Variants in ZC3H12B observed in about 807,000 individuals in gnomAD.
ZC3H12B encodes probable ribonuclease ZC3H12B.
ZC3H12B carries 7 observed loss-of-function variants against 43.9 expected under a neutral mutation model. That is an observed-to-expected ratio of 0.16 (90% CI 0.09 to 0.30). The LOEUF is 0.30. Ranked by LOEUF, ZC3H12B falls within the 10% of genes least tolerant of loss-of-function variation. The pLI is 1.00. For synonymous variants in ZC3H12B, 222 were observed against 241.7 expected (o/e 0.92, Z 0.76); for missense variants, 475 against 670.2 (o/e 0.71, Z 3.22).
chrX:65,224,834 C>A, the ZC3H12B span, among the ~76,000 whole-genome samples: 3 of 112,122 alleles, frequency 2.7e-5, no homozygotes, highest in Admixed American at 1.9e-4. Flanking sequence ...GGGTGCCCGC[C>A]ATTGCCAAGG....
At chrX:65,246,749 A>T in the ZC3H12B span, among the ~76,000 whole-genome samples, 2 of 112,449 alleles carry the variant, frequency 1.8e-5, 1 homozygote, top group Admixed American at 1.9e-4. Context: ...ATATACAAAA[A>T]TTAACTTAAG....
At position 65,468,486 on chromosome X, in the gene ZC3H12B, T is replaced by TTTC. The variant is rs1491312704; in HGVS notation, n.408-20158_408-20157insCTT. ...TTTAGGATTGTTTATTCTTTCTTTC[T>TTTC]TTTTTTTTTTTTTTTGAGATGGAGT... On this transcript the variant is annotated intron_variant and non_coding_transcript_variant, in intron 3 of 5. Coordinates refer to the ZC3H12B transcript ENST00000617377. 4.6e-5 allele frequency among the ~76,000 whole-genome samples: 3 copies of TTTC among 65,593 alleles called. No homozygotes were observed. The African/African-American group carries it at 1.8e-3, about 40-fold the overall frequency. 57.0% of individuals were successfully genotyped at this position (65,593 alleles called of 115,157 possible).
intron 3 of ZC3H12B, among the ~76,000 whole-genome samples, chrX:65,448,203 C>G (rs765846613): frequency 1.8e-5 from 2 of 110,896 alleles, no homozygotes; most frequent in East Asian, 5.7e-4. Context: ...CCACTGCACT[C>G]CAGCCTGGGT....
At chrX:65,299,971 G>A in the ZC3H12B span, among the ~76,000 whole-genome samples, 3 of 112,469 alleles carry the variant, frequency 2.7e-5, no homozygotes, top group East Asian at 2.8e-4. Flanking sequence ...AAATATAGGA[G>A]TAGAGGGAAG....
chrX:65,113,773 C>T, the ZC3H12B span, among the ~76,000 whole-genome samples: 1 of 107,998 alleles, frequency 9.3e-6, no homozygotes, highest in Non-Finnish European at 1.9e-5. Flanking sequence ...TCAATGAAGG[C>T]TCAGATAGCA....
the ZC3H12B span, among the ~76,000 whole-genome samples, chrX:65,116,970 T>G: frequency 8.9e-6 from 1 of 111,965 alleles, no homozygotes; most frequent in East Asian, 2.8e-4. Context: ...TGTTGGACAT[T>G]TGGGTTGGTT....
chrX:65,133,012 G>T, the ZC3H12B span, among the ~76,000 whole-genome samples: 1 of 111,288 alleles, frequency 9.0e-6, no homozygotes, highest in Non-Finnish European at 1.9e-5. Context: ...TTCCAGTGGG[G>T]TCCTGTACAG....
At chrX:65,432,249 T>C (rs1205947542) in intron 3 of ZC3H12B, among the ~76,000 whole-genome samples, 2 of 111,849 alleles carry the variant, frequency 1.8e-5, no homozygotes, top group African/African-American at 6.5e-5. Flanking sequence ...ACTCCATTCA[T>C]GATAGGCAGC....
chrX:65,118,501 T>C, the ZC3H12B span, among the ~76,000 whole-genome samples: 1 of 111,352 alleles, frequency 9.0e-6, no homozygotes, highest in African/African-American at 3.3e-5. Context: ...AGAAATGTCA[T>C]CTGCAAACAG....
At chrX:65,205,570 G>T in the ZC3H12B span, among the ~76,000 whole-genome samples, 4 of 111,354 alleles carry the variant, frequency 3.6e-5, no homozygotes, top group Non-Finnish European at 7.5e-5. Context: ...CAGCCAACAT[G>T]CTACTGAATG....
Position 65,417,098 on chromosome X carries a change from T to A in ZC3H12B, n.407+18394T>A, listed in dbSNP as rs565240615. ...TTTCCCAAGCCTAGACCATTGCTTC[T>A]CAAACCTACCTGGGGATTTTTCTAA... On this transcript the variant is annotated intron_variant and non_coding_transcript_variant, in intron 3 of 5. Coordinates refer to the ZC3H12B transcript ENST00000617377. Among the ~76,000 whole-genome samples, 7 of 111,699 alleles carry A rather than the reference T, an allele frequency of 6.3e-5. No individual in the cohort carries two copies. The Admixed American group carries it at 6.7e-4, about 11-fold the overall frequency.
intron 3 of ZC3H12B, among the ~76,000 whole-genome samples, chrX:65,480,556 A>T (rs1027510132): frequency 1.8e-5 from 2 of 112,218 alleles, no homozygotes; most frequent in African/African-American, 6.5e-5. Context: ...CTATAAGAGT[A>T]CAAGAATGGG....
chrX:65,313,943 A>G, the ZC3H12B span, among the ~76,000 whole-genome samples: 1 of 111,910 alleles, frequency 8.9e-6, no homozygotes, highest in Non-Finnish European at 1.9e-5. Flanking sequence ...ATGAATTGAA[A>G]CAGCAGTCCT....
chrX:65,498,408 T>G (rs112869936), intron 2 of ZC3H12B, among the ~76,000 whole-genome samples: 152 of 112,012 alleles, frequency 1.4e-3, no homozygotes, highest in Non-Finnish European at 2.5e-3. Flanking sequence ...ATTTGCCATC[T>G]GCTGAACAGG....
the ZC3H12B span, among the ~76,000 whole-genome samples, chrX:65,135,920 T>C: frequency 9.0e-6 from 1 of 110,768 alleles, no homozygotes; most frequent in African/African-American, 3.3e-5. Context: ...TTTGCTGAAG[T>C]TCTCTATTTT....
At chrX:65,168,008 C>G in the ZC3H12B span, among the ~76,000 whole-genome samples, 82 of 111,567 alleles carry the variant, frequency 7.3e-4, no homozygotes, top group African/African-American at 2.6e-3. Flanking sequence ...TCCTTTTTTC[C>G]TAATTGAATA....
chrX:65,336,358 C>T, the ZC3H12B span, among the ~76,000 whole-genome samples: 5 of 112,342 alleles, frequency 4.5e-5, no homozygotes, highest in Admixed American at 4.7e-4. Flanking sequence ...CAAGCCACAA[C>T]ACAAAGGAAA....
chrX:65,450,033 G>A (rs1252759966), intron 3 of ZC3H12B, among the ~76,000 whole-genome samples: 12 of 110,260 alleles, frequency 1.1e-4, no homozygotes, highest in Admixed American at 8.8e-4. Flanking sequence ...TAGGCTGGGC[G>A]TGGTAACTCA....
chrX:65,296,935 G>A, the ZC3H12B span, among the ~76,000 whole-genome samples: 3 of 111,239 alleles, frequency 2.7e-5, no homozygotes, highest in African/African-American at 9.8e-5. Flanking sequence ...AGAAAAAGAA[G>A]ACAAAATCTA....
Sources: allele counts gnomAD v4.1 joint callset (sites outside exome capture counted in the v4.1 genomes callset), GRCh38; gene constraint gnomAD v4.1.1; transcripts MANE v1.5; gene names NCBI Gene and HGNC (gene_info 2026-07-23, HGNC 2026-07-21).